The following KCNG3 variants were observed in gnomAD, a reference collection of about 807,000 sequenced individuals.
KCNG3 encodes the protein voltage-gated potassium channel regulatory subunit KCNG3.
KCNG3 carries 15 observed loss-of-function variants against 29.0 expected under a neutral mutation model. That is an observed-to-expected ratio of 0.52 (90% CI 0.35 to 0.80). The LOEUF (loss-of-function observed/expected upper bound fraction) is 0.80. Ranked by LOEUF, KCNG3 falls within the 30% of genes least tolerant of loss-of-function variation. The pLI is 0.01. For synonymous variants in KCNG3, 322 were observed against 248.9 expected (o/e 1.29, Z -2.76); for missense variants, 512 against 605.7 (o/e 0.85, Z 1.62).
chr2:42,433,790 C>G, the KCNG3 span, among the ~76,000 whole-genome samples: 20 of 152,114 alleles, frequency 1.3e-4, no homozygotes, highest in Admixed American at 7.9e-4. Context: ...CCAGACGCAA[C>G]AAAAAAGACA....
the KCNG3 span, among the ~76,000 whole-genome samples, chr2:42,406,782 G>A: frequency 3.4e-5 from 5 of 148,232 alleles, no homozygotes; most frequent in Admixed American, 1.3e-4. Context: ...AGCTGAGATC[G>A]CACCACTGCA....
chr2:42,433,814 T>G, the KCNG3 span, among the ~76,000 whole-genome samples: 12 of 152,148 alleles, frequency 7.9e-5, no homozygotes, highest in South Asian at 8.3e-4. Flanking sequence ...AAAAGGTAAT[T>G]TCTTCTCTTT....
chr2:42,411,507 G>A, the KCNG3 span, among the ~76,000 whole-genome samples: 2 of 151,942 alleles, frequency 1.3e-5, no homozygotes, highest in African/African-American at 4.8e-5. Context: ...TTGAGAGAGA[G>A]AGCCTTACTC....
chr2:42,482,626 G>A (rs1161093198), intron 1 of KCNG3, among the ~76,000 whole-genome samples: 1 of 152,168 alleles, frequency 6.6e-6, no homozygotes, highest in Non-Finnish European at 1.5e-5. Flanking sequence ...CTACTCAGGG[G>A]GCTGAGGCAC....
intron 1 of KCNG3, among the ~76,000 whole-genome samples, chr2:42,489,344 G>A (rs958040230): frequency 2.0e-5 from 3 of 152,076 alleles, no homozygotes; most frequent in Non-Finnish European, 4.4e-5. Flanking sequence ...GGGCTTGATC[G>A]CACCACTGCA....
intron 1 of KCNG3, among the ~76,000 whole-genome samples, chr2:42,473,947 T>C (rs932658062): frequency 2.6e-5 from 4 of 151,552 alleles, no homozygotes; most frequent in Non-Finnish European, 4.4e-5. Context: ...AGGCCAGGAG[T>C]TCGAGACCAG....
intron 1 of KCNG3, among the ~76,000 whole-genome samples, chr2:42,449,539 A>G (rs1264090430): frequency 7.7e-6 from 1 of 129,444 alleles, no homozygotes; most frequent in African/African-American, 3.0e-5. Context: ...TTTTTTTGAG[A>G]CAGGGTCTCA....
intron 1 of KCNG3, among the ~76,000 whole-genome samples, chr2:42,483,867 T>C (rs1387719970): frequency 6.6e-6 from 1 of 152,146 alleles, no homozygotes; most frequent in African/African-American, 2.4e-5. Context: ...TCACGGCTCA[T>C]TGCAGCCTCT....
chr2:42,467,721 G>A (rs1333168323), intron 1 of KCNG3, among the ~76,000 whole-genome samples: 1 of 149,342 alleles, frequency 6.7e-6, no homozygotes, highest in Non-Finnish European at 1.5e-5. Flanking sequence ...AGTAATCCTA[G>A]CGCTTTGGGA....
At chr2:42,449,714 G>T (rs1278009137) in intron 1 of KCNG3, among the ~76,000 whole-genome samples, 4 of 152,004 alleles carry the variant, frequency 2.6e-5, no homozygotes, top group African/African-American at 9.7e-5. Flanking sequence ...GCCTCCCAGA[G>T]TGCTGGAATT....
chr2:42,484,828 G>A, intron 1 of KCNG3, among the ~76,000 whole-genome samples: 1 of 152,222 alleles, frequency 6.6e-6, no homozygotes, highest in East Asian at 1.9e-4. Flanking sequence ...AAAATTGGCA[G>A]CAGCCTGTAC....
the KCNG3 span, among the ~76,000 whole-genome samples, chr2:42,391,637 C>G: frequency 3.6e-4 from 44 of 120,692 alleles, no homozygotes; most frequent in Middle Eastern, 7.0e-3. Flanking sequence ...GAGTCTCGCT[C>G]TGTCGCCCAG....
chr2:42,409,731 T>TAAA, the KCNG3 span, among the ~76,000 whole-genome samples: 2 of 77,028 alleles, frequency 2.6e-5, no homozygotes, highest in African/African-American at 8.4e-5. Context: ...AAAAAAAAAT[T>TAAA]TTTTTTTAAA....
At chr2:42,434,839 T>C in the KCNG3 span, among the ~76,000 whole-genome samples, 1,604 of 152,260 alleles carry the variant, frequency 0.011, 32 homozygotes, top group African/African-American at 0.035. Flanking sequence ...TTGATTTTTG[T>C]CAAAAGTGCC....
intron 1 of KCNG3, among the ~76,000 whole-genome samples, chr2:42,485,061 C>A (rs1673686620): frequency 6.6e-6 from 1 of 152,056 alleles, no homozygotes; most frequent in South Asian, 2.1e-4. Context: ...GAAAGGCAAT[C>A]GAAATAATAT....
At chr2:42,406,578 G>A in the KCNG3 span, among the ~76,000 whole-genome samples, 1 of 150,236 alleles carries the variant, frequency 6.7e-6, no homozygotes, top group African/African-American at 2.4e-5. Context: ...TGTAATCCCA[G>A]CACTTTGGGA....
chr2:42,434,485 AAGAG>A, the KCNG3 span, among the ~76,000 whole-genome samples: 3 of 123,270 alleles, frequency 2.4e-5, no homozygotes, highest in Admixed American at 1.6e-4. Flanking sequence ...AAAAAAAAAA[AAGAG>A]AGAGAGAGGG....
chr2:42,396,312 T>C, the KCNG3 span, among the ~76,000 whole-genome samples: 24,280 of 152,212 alleles, frequency 0.16, 2,032 homozygotes, highest in African/African-American at 0.22. Context: ...ATTTTGTCCA[T>C]TTTTCTAAAA....
At chr2:42,433,682 G>T in the KCNG3 span, among the ~76,000 whole-genome samples, 1 of 152,130 alleles carries the variant, frequency 6.6e-6, no homozygotes, top group African/African-American at 2.4e-5. Flanking sequence ...GGGGTGCAGT[G>T]AGCTGTGATG....
Sources: gnomAD v4.1 joint callset for allele counts (sites outside exome capture counted in the v4.1 genomes callset) on GRCh38, gnomAD v4.1.1 for gene constraint, MANE v1.5 for transcripts, NCBI Gene and HGNC (gene_info 2026-07-23, HGNC 2026-07-21) for gene names.